The following ACVR1 variants were observed in gnomAD, a reference collection of about 807,000 sequenced individuals.
The protein encoded by ACVR1 is activin A receptor type 1.
Under a neutral mutation model 57.1 loss-of-function variants are expected in ACVR1, and 38 were observed. The observed-to-expected ratio is 0.67, with a 90% confidence interval of 0.51 to 0.87. The LOEUF is 0.87. Ranked by LOEUF, ACVR1 falls within the 40% of genes least tolerant of loss-of-function variation. The pLI, the probability that ACVR1 is intolerant of heterozygous loss-of-function variation, is 0.00. For missense variants in ACVR1, 463 were observed against 638.2 expected (o/e 0.73, Z 2.96); for synonymous variants, 212 against 228.1 (o/e 0.93, Z 0.63).
intron 1 of ACVR1, among the ~76,000 whole-genome samples, chr2:157,871,158 G>C (rs1690102095): frequency 6.6e-6 from 1 of 152,200 alleles, no homozygotes. Flanking sequence ...TGTGTAGAAA[G>C]AATCAATGGA....
chr2:157,769,495 G>A (rs753288384), intron 7 of ACVR1, among the ~76,000 whole-genome samples: 4 of 152,142 alleles, frequency 2.6e-5, no homozygotes, highest in Admixed American at 6.5e-5. Context: ...ACCACACCAC[G>A]GAAGCAAAGC....
At chr2:157,805,244 T>C (rs1245223580) in intron 2 of ACVR1, among the ~76,000 whole-genome samples, 2 of 152,256 alleles carry the variant, frequency 1.3e-5, no homozygotes, top group African/African-American at 4.8e-5. Context: ...AATGTTCATT[T>C]ATCTTGCCTG....
At chr2:157,752,580 G>A (rs1220409833) in intron 9 of ACVR1, among the ~76,000 whole-genome samples, 1 of 152,194 alleles carries the variant, frequency 6.6e-6, no homozygotes, top group Non-Finnish European at 1.5e-5. Flanking sequence ...AGACCTATCA[G>A]ATTAACAGCA....
intron 9 of ACVR1, among the ~76,000 whole-genome samples, chr2:157,759,547 A>G (rs1312933277): frequency 6.6e-6 from 1 of 152,098 alleles, no homozygotes; most frequent in Admixed American, 6.5e-5. Flanking sequence ...TTCTTGAACT[A>G]TTCCAAAAAA....
intron 8 of ACVR1, among the ~76,000 whole-genome samples, chr2:157,762,474 A>C (rs893570080): frequency 1.2e-4 from 18 of 152,236 alleles, no homozygotes; most frequent in Admixed American, 1.0e-3. Context: ...AGAGGGGACT[A>C]CTGTATGCCC....
At chr2:157,756,922 G>C (rs1330955721) in intron 9 of ACVR1, among the ~76,000 whole-genome samples, 1 of 148,430 alleles carries the variant, frequency 6.7e-6, no homozygotes, top group Admixed American at 6.7e-5. Flanking sequence ...TCAACAAGTG[G>C]ATAAGAAATT....
chr2:157,811,608 T>G (rs1413795294), intron 2 of ACVR1, among the ~76,000 whole-genome samples: 1 of 152,160 alleles, frequency 6.6e-6, no homozygotes. Context: ...GGTATTTTAA[T>G]GAGAATCACA....
At chr2:157,823,397 G>A (rs1310503960) in intron 1 of ACVR1, among the ~76,000 whole-genome samples, 4 of 152,098 alleles carry the variant, frequency 2.6e-5, no homozygotes, top group Non-Finnish European at 4.4e-5. Context: ...CTCTCCAGGT[G>A]TATATCTAGA....
intron 6 of ACVR1, among the ~76,000 whole-genome samples, chr2:157,773,442 G>A (rs184770920): frequency 4.5e-4 from 68 of 152,194 alleles, no homozygotes; most frequent in African/African-American, 1.0e-3. Context: ...ATCATTCCAC[G>A]GACTGCTACA....
At chr2:157,744,767 C>T (rs968628656) in intron 9 of ACVR1, among the ~76,000 whole-genome samples, 11 of 152,198 alleles carry the variant, frequency 7.2e-5, no homozygotes, top group South Asian at 2.1e-4. Context: ...TCTCATGCCA[C>T]GGCACAGATA....
rs1685633057 is a variant in ACVR1 at position 157,761,091 on chromosome 2, G to A, written c.1067-14C>T. The stretch of plus-strand genomic sequence containing the variant: ...TGACTGCCAGGCCTGAAAGGAAGAA[G>A]ATAACAATGTAATCAACCCACTTCC... On this transcript the variant is annotated splice_polypyrimidine_tract_variant and intron_variant, in intron 8 of 10. Transcript: ENST00000434821. The A allele has an allele frequency of 6.2e-7, 1 of 1,612,888 alleles. No homozygotes were observed. Among genetic ancestry groups the A allele is most frequent in the South Asian group, 1.1e-5 (1 of 91,008 alleles).
At chr2:157,775,891 T>G (rs1463216314) in intron 5 of ACVR1, among the ~76,000 whole-genome samples, 1 of 152,188 alleles carries the variant, frequency 6.6e-6, no homozygotes, top group East Asian at 1.9e-4. Flanking sequence ...TTTTTGTTCT[T>G]TTCTTTTCTT....
intron 1 of ACVR1, among the ~76,000 whole-genome samples, chr2:157,869,118 G>C (rs1209340892): frequency 2.0e-5 from 3 of 152,140 alleles, no homozygotes; most frequent in Non-Finnish European, 2.9e-5. Flanking sequence ...TAAATAAACA[G>C]GGAGTTAAGT....
chr2:157,874,302 T>G (rs1690206045), intron 1 of ACVR1, among the ~76,000 whole-genome samples: 1 of 152,120 alleles, frequency 6.6e-6, no homozygotes, highest in Non-Finnish European at 1.5e-5. Flanking sequence ...TAAAAACAAG[T>G]GAATCATAAA....
chr2:157,873,083 C>A (rs898593573), intron 1 of ACVR1, among the ~76,000 whole-genome samples: 6 of 152,124 alleles, frequency 3.9e-5, no homozygotes, highest in African/African-American at 1.4e-4. Context: ...TCTTTAGGTT[C>A]TTTTCTTTAA....
At chr2:157,821,056 T>A (rs2105332485) in intron 1 of ACVR1, among the ~76,000 whole-genome samples, 1 of 152,222 alleles carries the variant, frequency 6.6e-6, no homozygotes, top group East Asian at 1.9e-4. Context: ...TAACGTGAAC[T>A]GGATACTTAA....
chr2:157,815,894 T>C (rs1482854340), intron 2 of ACVR1, among the ~76,000 whole-genome samples: 3 of 152,218 alleles, frequency 2.0e-5, no homozygotes, highest in South Asian at 4.1e-4. Context: ...TCAACAGTCA[T>C]GGCCTTGGTT....
At position 157,741,409 on chromosome 2, in the gene ACVR1, T is replaced by C. The variant is rs766458122; in HGVS notation, c.1265-2839A>G. 3.1e-4 allele frequency among the ~76,000 whole-genome samples: 47 copies of C among 152,018 alleles called. 1 individual carries two copies. The highest frequency in any genetic ancestry group is 5.9e-4 in the Non-Finnish European group (40 of 67,944). On this transcript the variant is annotated intron_variant, in intron 9 of 10. Coordinates refer to ENST00000434821, the MANE Select transcript of ACVR1 (RefSeq NM_001111067.4). ...TTGGGAGGCTGAGGTGGGCAGATCATGAGGTCAAGAGATCAAGACCATCCT... is the reference window on the plus strand; with the variant it reads ...TTGGGAGGCTGAGGTGGGCAGATCACGAGGTCAAGAGATCAAGACCATCCT...
chr2:157,827,991 G>A (rs1389647700), intron 1 of ACVR1, among the ~76,000 whole-genome samples: 1 of 152,146 alleles, frequency 6.6e-6, no homozygotes, highest in African/African-American at 2.4e-5. Flanking sequence ...GATTCCTCAA[G>A]AATTATGCTA....
Sources: gnomAD v4.1 joint callset for allele counts (sites outside exome capture counted in the v4.1 genomes callset) on GRCh38, gnomAD v4.1.1 for gene constraint, MANE v1.5 for transcripts, NCBI Gene and HGNC (gene_info 2026-07-23, HGNC 2026-07-21) for gene names.